The following SLC14A2 variants were observed in gnomAD, a reference collection of about 807,000 sequenced individuals.
SLC14A2 encodes the protein urea transporter 2.
A neutral mutation model predicts 104.6 loss-of-function variants in SLC14A2; 91 were observed. The ratio of observed to expected loss-of-function variants is 0.87; its 90% confidence interval spans 0.73 to 1.04. The LOEUF (loss-of-function observed/expected upper bound fraction) is 1.04, where lower values mean the gene tolerates loss of function less well. SLC14A2 is among the 50% of genes least tolerant of loss of function. The probability of loss-of-function intolerance (pLI) is 0.00; values close to 1 mark genes in which losing one functional copy is unlikely to be tolerated. For missense variants in SLC14A2, 1,189 were observed against 1,156.0 expected, an observed-to-expected ratio of 1.03 and a Z score of -0.41; for synonymous variants, 476 against 466.4, an observed-to-expected ratio of 1.02 and a Z score of -0.27.
rs1353373998 is a variant in SLC14A2 at position 45,578,779 on chromosome 18, TCA to T, written c.-34-45849_-34-45848del. Among the ~76,000 whole-genome samples the T allele has an allele frequency of 3.3e-5, 5 of 152,360 alleles. No individual in the cohort carries two copies. The East Asian group carries it at 7.7e-4, about 23-fold the overall frequency. On this transcript the variant is annotated intron_variant, in intron 2 of 20. Transcript: ENST00000586448. ...TAATTATTACTCCTGTCCTTTTCTC[TCA>T]CAGAGTGTATCAGTTAGCTAGAGCT...
At chr18:45,500,701 T>A (rs1431142063) in intron 2 of SLC14A2, among the ~76,000 whole-genome samples, 1 of 152,160 alleles carries the variant, frequency 6.6e-6, no homozygotes, top group Non-Finnish European at 1.5e-5. Context: ...ACATTCCTTG[T>A]TCCCAGCCCC....
intron 1 of SLC14A2, among the ~76,000 whole-genome samples, chr18:45,356,275 C>G (rs756561838): frequency 1.3e-5 from 2 of 152,166 alleles, no homozygotes; most frequent in Non-Finnish European, 2.9e-5. Context: ...TTAAAGCTTT[C>G]TGTGGGACAA....
At chr18:45,228,010 C>T (rs1203027849) in intron 1 of SLC14A2, among the ~76,000 whole-genome samples, 1 of 152,054 alleles carries the variant, frequency 6.6e-6, no homozygotes, top group Admixed American at 6.6e-5. Flanking sequence ...CACTTTAAAT[C>T]GATAATAGAT....
intron 1 of SLC14A2, among the ~76,000 whole-genome samples, chr18:45,290,734 C>T (rs1014054672): frequency 4.6e-5 from 7 of 152,110 alleles, no homozygotes; most frequent in South Asian, 2.1e-4. Context: ...TTGATATTTT[C>T]GATATGTTTG....
the SLC14A2 span, among the ~76,000 whole-genome samples, chr18:45,186,067 C>T: frequency 6.6e-6 from 1 of 152,154 alleles, no homozygotes; most frequent in African/African-American, 2.4e-5. Flanking sequence ...TCTCTAAATT[C>T]AATATTCTCA....
At chr18:45,220,070 C>T (rs1438958732) in intron 1 of SLC14A2, among the ~76,000 whole-genome samples, 1 of 152,010 alleles carries the variant, frequency 6.6e-6, no homozygotes, top group African/African-American at 2.4e-5. Flanking sequence ...CATGCAGTAG[C>T]TATCTGGTAA....
intron 1 of SLC14A2, among the ~76,000 whole-genome samples, chr18:45,412,639 A>AT (rs2086227121): frequency 6.6e-6 from 1 of 152,212 alleles, no homozygotes. Flanking sequence ...AGTAAGATAG[A>AT]TAAAGTGTAC....
In SLC14A2 at chr18:45,667,821, GT is replaced by G. The variant is rs1568001820; in HGVS notation, c.1718-10del. 6.2e-7 allele frequency: 1 copy of G among 1,612,934 alleles called. No homozygotes were observed. Among genetic ancestry groups the G allele is most frequent in the Admixed American group, 1.7e-5 (1 of 60,012 alleles). The stretch of plus-strand genomic sequence containing the variant: ...GAGCACTTGCCTACTTCCTGCCCCG[GT>G]TCCATTTCAGACAAGTCCCCAGTGT... On this transcript the variant is annotated splice_polypyrimidine_tract_variant and intron_variant, in intron 13 of 19. Transcript: ENST00000255226.
chr18:45,608,974 C>G (rs1445031080), intron 2 of SLC14A2, among the ~76,000 whole-genome samples: 2 of 152,150 alleles, frequency 1.3e-5, no homozygotes, highest in Non-Finnish European at 2.9e-5. Flanking sequence ...CCAGGAGCCA[C>G]AGGGCAATGG....
chr18:45,502,236 A>T (rs1164424362), intron 2 of SLC14A2, among the ~76,000 whole-genome samples: 1 of 152,228 alleles, frequency 6.6e-6, no homozygotes, highest in African/African-American at 2.4e-5. Flanking sequence ...GTTGTTTCCA[A>T]TGCAGTTGAT....
chr18:45,269,024 A>G (rs2084623251), intron 1 of SLC14A2, among the ~76,000 whole-genome samples: 1 of 149,444 alleles, frequency 6.7e-6, no homozygotes, highest in African/African-American at 2.5e-5. Flanking sequence ...GTCACTAACA[A>G]TGATCATTGA....
chr18:45,383,302 C>T (rs2085858174), intron 1 of SLC14A2, among the ~76,000 whole-genome samples: 1 of 152,168 alleles, frequency 6.6e-6, no homozygotes, highest in Non-Finnish European at 1.5e-5. Flanking sequence ...AGCAACTGGC[C>T]TACTGTATAC....
chr18:45,340,020 C>A (rs1177842063), intron 1 of SLC14A2, among the ~76,000 whole-genome samples: 2 of 152,326 alleles, frequency 1.3e-5, no homozygotes, highest in Non-Finnish European at 2.9e-5. Context: ...TAGAGCATAG[C>A]CTCTGCTTAC....
chr18:45,371,561 T>G (rs1315783220), intron 1 of SLC14A2, among the ~76,000 whole-genome samples: 1 of 152,248 alleles, frequency 6.6e-6, no homozygotes, highest in African/African-American at 2.4e-5. Flanking sequence ...AGTCTAAGTT[T>G]ACACATGTAT....
At chr18:45,438,843 A>G (rs2086638152) in intron 1 of SLC14A2, among the ~76,000 whole-genome samples, 1 of 152,174 alleles carries the variant, frequency 6.6e-6, no homozygotes, top group Non-Finnish European at 1.5e-5. Context: ...GGGGACATAC[A>G]TGTAGTTCAT....
chr18:45,341,313 G>A (rs1167187599), intron 1 of SLC14A2, among the ~76,000 whole-genome samples: 4 of 152,116 alleles, frequency 2.6e-5, no homozygotes, highest in Non-Finnish European at 5.9e-5. Context: ...TTCATTATTT[G>A]CCAGTTCCAT....
intron 1 of SLC14A2, chr18:45,436,853 A>G (rs2086604028): frequency 6.6e-6 from 1 of 152,200 alleles, no homozygotes; most frequent in Admixed American, 6.5e-5. Flanking sequence ...AAACCAAAAA[A>G]CAATGCATAT....
At chr18:45,622,031 C>T (rs2045179267) in intron 1 of SLC14A2, among the ~76,000 whole-genome samples, 1 of 152,184 alleles carries the variant, frequency 6.6e-6, no homozygotes, top group Non-Finnish European at 1.5e-5. Flanking sequence ...CACTAAAGCA[C>T]AGTGGCAGCT....
intron 1 of SLC14A2, among the ~76,000 whole-genome samples, chr18:45,230,441 A>T (rs2084163207): frequency 6.6e-6 from 1 of 152,182 alleles, no homozygotes; most frequent in African/African-American, 2.4e-5. Context: ...TTTCAAGGAC[A>T]GTGACATTGC....
Sources: gnomAD v4.1 joint callset for allele counts (sites outside exome capture counted in the v4.1 genomes callset) on GRCh38, gnomAD v4.1.1 for gene constraint, MANE v1.5 for transcripts, NCBI Gene and HGNC (gene_info 2026-07-23, HGNC 2026-07-21) for gene names.